NTM: variants seen among roughly 807,000 people sequenced by gnomAD.
NTM encodes the protein neurotrimin, also known as IgLON family member 2.
Under a neutral mutation model 42.1 loss-of-function variants are expected in NTM, and 13 were observed. The observed-to-expected ratio is 0.31, with a 90% CI of 0.20 to 0.49. The LOEUF is 0.49. Among genes scored for constraint, NTM ranks in the 20% least tolerant of loss-of-function variants. NTM has a pLI of 0.99. For missense variants in NTM, 373 were observed against 452.8 expected (o/e 0.82, Z 1.60); for synonymous variants, 187 against 179.2 (o/e 1.04, Z -0.35).
At chr11:131,836,542 C>T (rs1243453871) in intron 1 of NTM, among the ~76,000 whole-genome samples, 1 of 152,132 alleles carries the variant, frequency 6.6e-6, no homozygotes, top group African/African-American at 2.4e-5. Flanking sequence ...TTATTATCTA[C>T]ACTAGTATGC....
At chr11:131,672,740 G>A (rs1184472035) in intron 1 of NTM, among the ~76,000 whole-genome samples, 1 of 152,098 alleles carries the variant, frequency 6.6e-6, no homozygotes, top group Non-Finnish European at 1.5e-5. Flanking sequence ...GGAGGCTTAT[G>A]GAATTCAAAT....
intron 2 of NTM, among the ~76,000 whole-genome samples, chr11:132,080,424 C>T (rs2058888424): frequency 1.3e-5 from 2 of 152,290 alleles, no homozygotes; most frequent in South Asian, 4.1e-4. Flanking sequence ...TGGGTTTGAG[C>T]ATTTGCACAA....
At position 131,438,724 on chromosome 11, in the gene NTM, G is replaced by A. The variant is rs567238566; in HGVS notation, c.82+67836G>A. Among the ~76,000 whole-genome samples, 11 of 152,170 alleles carry A rather than the reference G, an allele frequency of 7.2e-5. No individual in the cohort carries two copies. In the South Asian group the frequency reaches 2.1e-3, roughly 29 times the overall value. ...TTTTTAGCTTCCTTGTGATGGATTCGAACATCCTCCTTTAGCTTGGAGAAG... is the reference window on the plus strand; with the variant it reads ...TTTTTAGCTTCCTTGTGATGGATTCAAACATCCTCCTTTAGCTTGGAGAAG... On this transcript the variant is annotated intron_variant, in intron 1 of 8. Coordinates refer to ENST00000683400, the MANE Select transcript of NTM (RefSeq NM_001352005.2).
At chr11:131,413,432 G>C (rs1223882346) in intron 1 of NTM, among the ~76,000 whole-genome samples, 3 of 152,194 alleles carry the variant, frequency 2.0e-5, no homozygotes, top group Non-Finnish European at 4.4e-5. Flanking sequence ...GTTGCGAACA[G>C]TGCTGATCAA....
chr11:132,006,942 A>G (rs1220664884), intron 2 of NTM, among the ~76,000 whole-genome samples: 1 of 152,230 alleles, frequency 6.6e-6, no homozygotes, highest in Admixed American at 6.5e-5. Context: ...AGAGGCAGCT[A>G]CAAATGACGT....
intron 1 of NTM, among the ~76,000 whole-genome samples, chr11:131,633,008 G>T (rs1384866433): frequency 6.6e-6 from 1 of 152,114 alleles, no homozygotes; most frequent in Non-Finnish European, 1.5e-5. Context: ...TGTTCAGATG[G>T]TCTCTTCCTG....
At chr11:132,066,813 C>T (rs1453335254) in intron 2 of NTM, among the ~76,000 whole-genome samples, 16 of 152,150 alleles carry the variant, frequency 1.1e-4, no homozygotes, top group Admixed American at 7.9e-4. Flanking sequence ...CTCAGATACT[C>T]CAGAATAATC....
At chr11:131,429,183 A>C (rs1948449419) in intron 1 of NTM, among the ~76,000 whole-genome samples, 2 of 152,202 alleles carry the variant, frequency 1.3e-5, no homozygotes, top group South Asian at 4.1e-4. Flanking sequence ...GGATTGAGGG[A>C]TGGTGACAAG....
Position 132,003,560 on chromosome 11 carries a change from T to C in NTM, c.167+91912T>C, listed in dbSNP as rs1179738398. ...TGCGCCTGGCCCATGATTTGCATTTTTAACAAGTTCCTGGGTAAAACTGAT... is the reference window on the plus strand; with the variant it reads ...TGCGCCTGGCCCATGATTTGCATTTCTAACAAGTTCCTGGGTAAAACTGAT... On this transcript the variant is annotated intron_variant, in intron 2 of 8. Coordinates refer to ENST00000683400, the MANE Select transcript of NTM (RefSeq NM_001352005.2). The surrounding 1 kb of genome is among the most constrained non-coding windows in gnomAD (Gnocchi z 6.0). Among the ~76,000 whole-genome samples, 2 of 152,182 alleles carry C rather than the reference T, an allele frequency of 1.3e-5. No individual in the cohort carries two copies. Among genetic ancestry groups the C allele is most frequent in the East Asian group, 1.9e-4 (1 of 5,176 alleles).
At chr11:131,500,731 C>G (rs2046707014) in intron 1 of NTM, among the ~76,000 whole-genome samples, 1 of 86,922 alleles carries the variant, frequency 1.2e-5, no homozygotes, top group African/African-American at 4.4e-5. Flanking sequence ...CTATCCCTCC[C>G]CCCTCCCCCC....
At chr11:132,124,827 AAAC>A (rs1241936030) in intron 2 of NTM, among the ~76,000 whole-genome samples, 2 of 152,284 alleles carry the variant, frequency 1.3e-5, no homozygotes, top group Admixed American at 1.3e-4. Context: ...AAAAACAAAA[AAAC>A]AACAACATAA....
intron 1 of NTM, among the ~76,000 whole-genome samples, chr11:131,676,055 G>T (rs1355375294): frequency 6.6e-6 from 1 of 152,154 alleles, no homozygotes; most frequent in East Asian, 1.9e-4. Flanking sequence ...GTCACCATGG[G>T]ACTGGACTGA....
chr11:132,280,958 G>A (rs2093953270), intron 4 of NTM, among the ~76,000 whole-genome samples: 1 of 152,194 alleles, frequency 6.6e-6, no homozygotes, highest in Non-Finnish European at 1.5e-5. Flanking sequence ...TCACACTTGA[G>A]GCAAATAACA....
intron 2 of NTM, among the ~76,000 whole-genome samples, chr11:131,955,565 G>A (rs1039305478): frequency 1.3e-5 from 2 of 152,138 alleles, no homozygotes; most frequent in Non-Finnish European, 2.9e-5. Flanking sequence ...TTTTAGGAAA[G>A]GTAAAACATC....
chr11:131,559,189 G>C (rs2136981287), intron 1 of NTM, among the ~76,000 whole-genome samples: 1 of 152,322 alleles, frequency 6.6e-6, no homozygotes, highest in South Asian at 2.1e-4. Context: ...ATTTCTCCTG[G>C]TGAGGCAGAC....
At chr11:131,381,724 G>C (rs1262695738) in intron 1 of NTM, among the ~76,000 whole-genome samples, 3 of 152,154 alleles carry the variant, frequency 2.0e-5, no homozygotes, top group African/African-American at 7.2e-5. Flanking sequence ...TCCTGCTCAA[G>C]AACTCCAGAG....
At chr11:131,843,264 C>A (rs1200702565) in intron 1 of NTM, among the ~76,000 whole-genome samples, 5 of 152,076 alleles carry the variant, frequency 3.3e-5, no homozygotes, top group African/African-American at 1.2e-4. Flanking sequence ...CTCCAGAGGT[C>A]CCCAAAATTA....
intron 1 of NTM, among the ~76,000 whole-genome samples, chr11:131,381,712 AT>A (rs753756404): frequency 6.6e-6 from 1 of 152,166 alleles, no homozygotes; most frequent in South Asian, 2.1e-4. Context: ...GTGTTGATTA[AT>A]TCCTGCTCAA....
chr11:131,729,369 C>T (rs567939187), intron 1 of NTM, among the ~76,000 whole-genome samples: 8 of 152,038 alleles, frequency 5.3e-5, no homozygotes, highest in Non-Finnish European at 1.2e-4. Context: ...GATGGGATGT[C>T]GAAAACAAGA....
Sources: gnomAD v4.1 joint callset for allele counts (sites outside exome capture counted in the v4.1 genomes callset) on GRCh38, gnomAD v4.1.1 for gene constraint, Gnocchi (gnomAD v3.1) non-coding constraint, MANE v1.5 for transcripts, NCBI Gene and HGNC (gene_info 2026-07-23, HGNC 2026-07-21) for gene names.